The following HERC2 variants were observed in gnomAD, a reference collection of about 807,000 sequenced individuals.
HERC2 encodes the protein HECT and RLD domain containing E3 ubiquitin protein ligase 2.
Under a neutral mutation model 537.7 loss-of-function variants are expected in HERC2, and 102 were observed. The ratio of observed to expected loss-of-function variants is 0.19; its 90% CI spans 0.16 to 0.22. HERC2 has a LOEUF of 0.22. Ranked by LOEUF, HERC2 falls within the 10% of genes least tolerant of loss-of-function variation. The pLI, the probability that HERC2 is intolerant of heterozygous loss-of-function variation, is 1.00. For missense variants in HERC2, 4,236 were observed against 6,198.2 expected, an observed-to-expected ratio of 0.68 and a Z score of 10.63; for synonymous variants, 2,224 against 2,466.2, an observed-to-expected ratio of 0.90 and a Z score of 2.91.
At position 28,229,845 on chromosome 15, in the gene HERC2, G is replaced by T. The variant is rs1232421516; in HGVS notation, c.4812C>A (p.Asp1604Glu). 2.5e-6 allele frequency: 3 copies of T among 1,192,760 alleles called. No individual in the cohort carries two copies. The Admixed American group carries it at 5.3e-5, about 21-fold the overall frequency. The allele number at this position is 1,192,760 out of a possible 1,614,324, so 73.9% of individuals were successfully genotyped here. Residue 1604 changes from aspartate to glutamate, a missense_variant and splice_region_variant, in exon 32 of 93, where the codon GAC (aspartate) becomes GAA (glutamate). Physicochemically the swap from Asp to Glu is conservative, Grantham distance 45. Transcript: ENST00000261609. ...CAGTACTCAACAGCGGCTGCCATTT[G>T]TCCTAACAAAGGAAAACAATTTTCA... Reference protein sequence around the residue: ...KRPIAIKSPKDKWQPLLSTVT... With the variant: ...KRPIAIKSPKEKWQPLLSTVT...
chr15:28,264,693 A>G (rs16950960), intron 14 of HERC2, among the ~76,000 whole-genome samples: 12,212 of 152,262 alleles, frequency 0.08, 1,673 homozygotes, highest in African/African-American at 0.28. Flanking sequence ...CACATAAAGA[A>G]TGCAAGGCTA....
intron 59 of HERC2, among the ~76,000 whole-genome samples, chr15:28,178,466 T>G (rs1895507217): frequency 6.6e-6 from 1 of 152,226 alleles, no homozygotes; most frequent in Admixed American, 6.5e-5. Flanking sequence ...TTTCCTGTTA[T>G]GCAAGTTACA....
chr15:28,127,145 T>C (rs1222955153), intron 83 of HERC2, among the ~76,000 whole-genome samples: 2 of 152,182 alleles, frequency 1.3e-5, no homozygotes, highest in Non-Finnish European at 2.9e-5. Context: ...GCAGTGTACT[T>C]GTCTCCTGCC....
intron 21 of HERC2, 39 bp from the exon 22 acceptor site, chr15:28,246,936 A>AG (rs1242667986): frequency 2.3e-5 from 37 of 1,575,782 alleles, no homozygotes; most frequent in Non-Finnish European, 2.9e-5. Context: ...TTCACTACTA[A>AG]AATTTTTCTT....
At chr15:28,152,254 TTTC>T (rs1161896302) in intron 70 of HERC2, among the ~76,000 whole-genome samples, 1 of 152,230 alleles carries the variant, frequency 6.6e-6, no homozygotes, top group African/African-American at 2.4e-5. Context: ...CCTCAACAAT[TTTC>T]TTCTTAATAA....
intron 56 of HERC2, among the ~76,000 whole-genome samples, chr15:28,185,856 CTTGTT>C (rs1424658643): frequency 1.3e-5 from 2 of 152,194 alleles, no homozygotes; most frequent in Non-Finnish European, 2.9e-5. Flanking sequence ...ATGTGTTTGT[CTTGTT>C]TTATTTTGCA....
chr15:28,156,596 G>T (rs60059865), intron 69 of HERC2, among the ~76,000 whole-genome samples: 3,452 of 152,220 alleles, frequency 0.023, 126 homozygotes, highest in African/African-American at 0.078. Context: ...TTTGCACATT[G>T]ATTTTGTATC....
At position 28,229,491 on chromosome 15, in the gene HERC2, G is replaced by A; in HGVS notation, c.5089C>T (p.Gln1697Ter). 1 of 1,613,778 alleles carries A rather than the reference G, an allele frequency of 6.2e-7. No individual in the cohort carries two copies. Among genetic ancestry groups the A allele is most frequent in the Non-Finnish European group, 8.5e-7 (1 of 1,179,724 alleles). The change falls in exon 33 of 93, where the codon CAA becomes TAA. Residue 1697 changes from glutamine (Q) to a stop codon, truncating the protein, a stop_gained. Transcript: ENST00000261609. LOFTEE classifies it high-confidence loss of function. The part of the protein sequence containing the change: ...SVQYAMFCGW[Q>*]RLIPEGIDIG... ...TCGATTCCCTCAGGAATAAGTCTTT[G>A]CCATCCACAAAACATCGCATACTGC...
chr15:28,278,463 TG>T (rs2075936337), intron 5 of HERC2, among the ~76,000 whole-genome samples: 1 of 152,222 alleles, frequency 6.6e-6, no homozygotes, highest in African/African-American at 2.4e-5. Flanking sequence ...TATATTGTAT[TG>T]TTTTTTCTTT....
At chr15:28,247,813 G>C (rs1903873372) in intron 21 of HERC2, among the ~76,000 whole-genome samples, 1 of 152,110 alleles carries the variant, frequency 6.6e-6, no homozygotes, top group Non-Finnish European at 1.5e-5. Flanking sequence ...CTCACCTACT[G>C]AAACCTGAAA....
At chr15:28,161,917 T>C (rs1893637767) in intron 69 of HERC2, among the ~76,000 whole-genome samples, 1 of 152,244 alleles carries the variant, frequency 6.6e-6, no homozygotes, top group Non-Finnish European at 1.5e-5. Context: ...CAATAAATGA[T>C]GTTAGGGCAA....
rs1567026775 is a variant in HERC2, at chr15:28,215,796, G to A, written c.6035C>T (p.Pro2012Leu). 6.2e-7 allele frequency: 1 copy of A among 1,605,352 alleles called. No individual in the cohort carries two copies. The highest frequency in any genetic ancestry group is 8.5e-7 in the Non-Finnish European group (1 of 1,175,796). Residue 2012 changes from proline to leucine, a missense_variant, in exon 39 of 93, where the codon CCA (proline) becomes CTA (leucine). Around this residue, in one of 27 missense-constraint regions of HERC2, gnomAD observed 365 missense variants for 468.8 expected, o/e 0.78. Coordinates refer to ENST00000261609, the MANE Select transcript of HERC2 (RefSeq NM_004667.6). ...ESGTTDKTSSPNRLVYREQHR... is the reference protein window; with the variant it reads ...ESGTTDKTSSLNRLVYREQHR... ...TTGCTCCCTGTACACCAGCCTGTTTGGAGAAGCTGCAGGAGGGAAAATAGA... is the reference window on the plus strand; with the variant it reads ...TTGCTCCCTGTACACCAGCCTGTTTAGAGAAGCTGCAGGAGGGAAAATAGA...
Position 28,153,641 on chromosome 15 carries a change from ACT to A in HERC2, c.10747-813_10747-812del, listed in dbSNP as rs1356762024. Among the ~76,000 whole-genome samples the A allele has an allele frequency of 4.6e-5, 7 of 152,150 alleles. No individual in the cohort carries two copies. In the East Asian group the frequency reaches 5.8e-4, roughly 13 times the overall value. On this transcript the variant is annotated intron_variant, in intron 69 of 92. Transcript: ENST00000261609. ...ACTCCAGCCTGAGCGACAGAGAGAG[ACT>A]CTGTCTCGAAAAAAGAAAAAGAAAA...
chr15:28,214,413 G>A, intron 40 of HERC2, 141 bp from the exon 41 acceptor site: 1 of 940,912 alleles, frequency 1.1e-6, no homozygotes. Context: ...ATGCACCTCT[G>A]AGTGACGGCA....
chr15:28,249,625 T>A (rs1279536976), intron 20 of HERC2, among the ~76,000 whole-genome samples: 1 of 152,004 alleles, frequency 6.6e-6, no homozygotes, highest in African/African-American at 2.4e-5. Flanking sequence ...GATAGGAAAA[T>A]AACACCTTCT....
At chr15:28,130,854 G>A (rs1372796746) in intron 81 of HERC2, among the ~76,000 whole-genome samples, 2 of 152,208 alleles carry the variant, frequency 1.3e-5, no homozygotes, top group Non-Finnish European at 2.9e-5. Context: ...GAGCTTTGCA[G>A]GTGAGGCCTG....
Position 28,124,179 on chromosome 15 carries a change from C to A in HERC2, c.13046G>T (p.Arg4349Leu). 6.4e-7 allele frequency: 1 copy of A among 1,567,654 alleles called. No individual in the cohort carries two copies. Among genetic ancestry groups the A allele is most frequent in the Non-Finnish European group, 8.7e-7 (1 of 1,155,324 alleles). Reference protein sequence around the residue: ...QEIPIIALRNRLLLLHHLSEL... With the variant: ...QEIPIIALRNLLLLLHHLSEL... ...GGAGAGGTGGTGCAGCAGCAGCAGA[C>A]GGTTCCTCAGCGCAATGATGGGGAT... is the stretch of plus-strand genomic sequence containing the variant. Residue 4349 changes from arginine to leucine, a missense_variant, in exon 85 of 93, where the codon CGT becomes CTT. Around this residue, in one of 27 missense-constraint regions of HERC2, gnomAD observed 189 missense variants for 255.7 expected, o/e 0.74. Coordinates refer to ENST00000261609, the MANE Select transcript of HERC2 (RefSeq NM_004667.6).
chr15:28,294,158 G>T (rs2905956), intron 3 of HERC2, among the ~76,000 whole-genome samples: 10 of 152,200 alleles, frequency 6.6e-5, no homozygotes, highest in Non-Finnish European at 1.2e-4. Context: ...ACATCCAGCT[G>T]TGTGTCCCAC....
At chr15:28,297,993 G>A (rs1251531359) in intron 3 of HERC2, among the ~76,000 whole-genome samples, 3 of 139,056 alleles carry the variant, frequency 2.2e-5, no homozygotes, top group East Asian at 2.7e-4. Context: ...CACTGTACAC[G>A]TCTGTCAGTT....
Sources: gnomAD v4.1 joint callset for allele counts (sites outside exome capture counted in the v4.1 genomes callset) on GRCh38, gnomAD v4.1.1 for gene constraint, gnomAD v4.1.1 regional missense constraint, MANE v1.5 for transcripts, NCBI Gene and HGNC (gene_info 2026-07-23, HGNC 2026-07-21) for gene names.